The following KCNIP1 variants were observed in gnomAD, a reference collection of about 807,000 sequenced individuals.
KCNIP1 encodes potassium voltage-gated channel interacting protein 1, also known as A-type potassium channel modulatory protein KCNIP1.
A neutral mutation model predicts 33.0 loss-of-function variants in KCNIP1; 18 were observed. That is an observed-to-expected ratio of 0.55 (90% CI 0.38 to 0.81). KCNIP1 has a LOEUF of 0.81. Ranked by LOEUF, KCNIP1 falls within the 30% of genes least tolerant of loss-of-function variation. The pLI is 0.00. For missense variants in KCNIP1, 238 were observed against 271.6 expected (o/e 0.88, Z 0.87); for synonymous variants, 93 against 98.3 (o/e 0.95, Z 0.32).
At chr5:170,479,906 T>C (rs1756940312) in intron 1 of KCNIP1, among the ~76,000 whole-genome samples, 2 of 152,354 alleles carry the variant, frequency 1.3e-5, no homozygotes, top group East Asian at 3.9e-4. Context: ...CAAAAACTTA[T>C]TAAAAATTGA....
chr5:170,367,404 A>AG (rs201119591), intron 1 of KCNIP1, among the ~76,000 whole-genome samples: 12 of 122,618 alleles, frequency 9.8e-5, no homozygotes, highest in Non-Finnish European at 1.8e-4. Context: ...AAAGAAAGAA[A>AG]GAAAGAAAGA....
intron 1 of KCNIP1, among the ~76,000 whole-genome samples, chr5:170,402,705 T>C (rs1009877858): frequency 1.3e-5 from 2 of 152,002 alleles, no homozygotes; most frequent in African/African-American, 4.8e-5. Context: ...TGCAAGGGAG[T>C]CTGGGAAATG....
intron 1 of KCNIP1, among the ~76,000 whole-genome samples, chr5:170,409,181 C>T (rs1755114802): frequency 6.6e-6 from 1 of 152,222 alleles, no homozygotes; most frequent in Non-Finnish European, 1.5e-5. Flanking sequence ...GGCTGATGCT[C>T]AAGACTGTGC....
chr5:170,678,534 A>G (rs1324256408), intron 1 of KCNIP1: 6 of 152,240 alleles, frequency 3.9e-5, no homozygotes, highest in African/African-American at 1.4e-4. Flanking sequence ...AGTGGGAACC[A>G]CTACTCTGCC....
At chr5:170,569,333 G>A (rs184214322) in intron 1 of KCNIP1, among the ~76,000 whole-genome samples, 217 of 152,328 alleles carry the variant, frequency 1.4e-3, no homozygotes, top group Non-Finnish European at 2.5e-3. Flanking sequence ...GGGCTTTCCC[G>A]GACCAGCTTT....
At chr5:170,667,448 G>A (rs968786907) in intron 1 of KCNIP1, among the ~76,000 whole-genome samples, 1 of 152,246 alleles carries the variant, frequency 6.6e-6, no homozygotes, top group Non-Finnish European at 1.5e-5. Flanking sequence ...ATTTGCACAA[G>A]CAAACTGCCT....
chr5:170,681,385 T>A (rs942584982), intron 1 of KCNIP1: 5 of 357,438 alleles, frequency 1.4e-5, no homozygotes, highest in Non-Finnish European at 2.5e-5. Context: ...GTGGTGCGCC[T>A]GGGGAGTGCG....
chr5:170,564,804 A>G (rs1757150536), intron 1 of KCNIP1, among the ~76,000 whole-genome samples: 2 of 152,236 alleles, frequency 1.3e-5, no homozygotes, highest in Middle Eastern at 3.4e-3. Flanking sequence ...TATATAGCTG[A>G]TGTCACATCC....
chr5:170,599,691 G>A lies in KCNIP1; in HGVS notation c.61+95058G>A, dbSNP rs149989263. 5.5e-5 allele frequency among the ~76,000 whole-genome samples: 7 copies of A among 128,052 alleles called. No homozygotes were observed. The East Asian group carries it at 1.4e-3, about 25-fold the overall frequency. 84.0% of individuals were successfully genotyped at this position (128,052 alleles called of 152,430 possible). ...TGGACCTAGGGGTGGGGAAGAGCGAGAAGTCAGAACACTGGCAGAAGAGGA... is the reference window on the plus strand; with the variant it reads ...TGGACCTAGGGGTGGGGAAGAGCGAAAAGTCAGAACACTGGCAGAAGAGGA... On this transcript the variant is annotated intron_variant, in intron 1 of 7. Transcript: ENST00000328939.
At chr5:170,621,044 C>T (rs2221441) in intron 1 of KCNIP1, among the ~76,000 whole-genome samples, 1 of 151,936 alleles carries the variant, frequency 6.6e-6, no homozygotes, top group Non-Finnish European at 1.5e-5. Flanking sequence ...GCAAGATAGG[C>T]CCCAGAAAGA....
intron 1 of KCNIP1, among the ~76,000 whole-genome samples, chr5:170,523,347 C>T (rs1215825704): frequency 2.0e-5 from 3 of 152,192 alleles, no homozygotes; most frequent in Non-Finnish European, 4.4e-5. Context: ...CCAGGAAAGC[C>T]GATGCTTTCT....
intron 1 of KCNIP1, among the ~76,000 whole-genome samples, chr5:170,648,767 G>A (rs922883930): frequency 6.6e-6 from 1 of 152,208 alleles, no homozygotes; most frequent in Non-Finnish European, 1.5e-5. Flanking sequence ...CTGGGTGATA[G>A]TGATGTGTCA....
intron 1 of KCNIP1, among the ~76,000 whole-genome samples, chr5:170,403,670 T>C (rs1754964266): frequency 6.6e-6 from 1 of 152,214 alleles, no homozygotes; most frequent in African/African-American, 2.4e-5. Flanking sequence ...ATGGAAGCCG[T>C]GGTCAGCTTA....
At chr5:170,659,714 A>C (rs1761402892) in intron 1 of KCNIP1, among the ~76,000 whole-genome samples, 2 of 152,230 alleles carry the variant, frequency 1.3e-5, no homozygotes, top group Non-Finnish European at 2.9e-5. Flanking sequence ...GGCTCGGAAC[A>C]AGACTCCTTG....
chr5:170,551,696 A>T (rs1282089949), intron 1 of KCNIP1, among the ~76,000 whole-genome samples: 1 of 149,014 alleles, frequency 6.7e-6, no homozygotes, highest in African/African-American at 2.5e-5. Flanking sequence ...GAGAGTGTGT[A>T]TGTGTGGCGT....
chr5:170,592,438 C>T (rs982382812), intron 1 of KCNIP1, among the ~76,000 whole-genome samples: 6 of 135,318 alleles, frequency 4.4e-5, no homozygotes, highest in Non-Finnish European at 8.8e-5. Context: ...TAGAAAATGA[C>T]ACAGCTTGTA....
intron 1 of KCNIP1, among the ~76,000 whole-genome samples, chr5:170,697,023 CTT>C (rs1219754943): frequency 6.6e-6 from 1 of 151,988 alleles, no homozygotes; most frequent in Non-Finnish European, 1.5e-5. Context: ...CTCTGTCTCT[CTT>C]TCTCTCTCCT....
chr5:170,483,802 A>C (rs999880908), intron 1 of KCNIP1: 3 of 152,260 alleles, frequency 2.0e-5, no homozygotes, highest in Non-Finnish European at 4.4e-5. Context: ...TTCTGCAGTC[A>C]GGGAGCTTTC....
At chr5:170,537,608 C>T (rs932238538) in intron 1 of KCNIP1, among the ~76,000 whole-genome samples, 16 of 152,204 alleles carry the variant, frequency 1.1e-4, no homozygotes, top group Admixed American at 9.2e-4. Flanking sequence ...CCCTGCCTTC[C>T]GACTTCAGCT....
Sources: allele counts gnomAD v4.1 joint callset (sites outside exome capture counted in the v4.1 genomes callset), GRCh38; gene constraint gnomAD v4.1.1; transcripts MANE v1.5; gene names NCBI Gene and HGNC (gene_info 2026-07-23, HGNC 2026-07-21).